The following MEGF10 variants were observed in gnomAD, a reference collection of about 807,000 sequenced individuals.
MEGF10 encodes the protein multiple EGF like domains 10, also known as multiple epidermal growth factor-like domains protein 10.
MEGF10 carries 86 observed loss-of-function variants against 147.5 expected under a neutral mutation model. That is an observed-to-expected ratio of 0.58 (90% CI 0.49 to 0.70). MEGF10 has a LOEUF of 0.70. Among genes scored for constraint, MEGF10 ranks in the 30% least tolerant of loss-of-function variants. The pLI is 0.00. For synonymous variants in MEGF10, 478 were observed against 525.5 expected (o/e 0.91, Z 1.24); for missense variants, 1,329 against 1,487.3 (o/e 0.89, Z 1.75).
the MEGF10 span, among the ~76,000 whole-genome samples, chr5:127,230,491 G>C: frequency 6.6e-6 from 1 of 152,126 alleles, no homozygotes; most frequent in Non-Finnish European, 1.5e-5. Context: ...TGCTCTGGGA[G>C]TCCCAGATCT....
intron 1 of MEGF10, among the ~76,000 whole-genome samples, chr5:127,319,883 G>A (rs894417620): frequency 5.3e-5 from 8 of 152,206 alleles, no homozygotes; most frequent in South Asian, 2.1e-4. Flanking sequence ...TATTGGGCAA[G>A]ACAGACTGAC....
chr5:127,341,573 A>G (rs1198846845), intron 4 of MEGF10, among the ~76,000 whole-genome samples: 1 of 152,170 alleles, frequency 6.6e-6, no homozygotes, highest in African/African-American at 2.4e-5. Context: ...GGCTTGGAAT[A>G]GTACATATCT....
chr5:127,246,830 C>A, the MEGF10 span, among the ~76,000 whole-genome samples: 2 of 4,680 alleles, frequency 4.3e-4, no homozygotes, highest in Non-Finnish European at 4.8e-4. Flanking sequence ...ATAATATATA[C>A]TATTACATAT....
chr5:127,419,280 A>T, intron 11 of MEGF10, 40 bp downstream of exon 11: 1 of 1,600,784 alleles, frequency 6.2e-7, no homozygotes, highest in Non-Finnish European at 8.5e-7. Context: ...GATCCTGGTC[A>T]CGTTATCTCC....
intron 1 of MEGF10, among the ~76,000 whole-genome samples, chr5:127,322,013 T>C (rs1157895928): frequency 2.0e-5 from 3 of 152,042 alleles, no homozygotes; most frequent in African/African-American, 4.8e-5. Flanking sequence ...TTTCCCCTGC[T>C]TGTATCATCA....
intron 8 of MEGF10, among the ~76,000 whole-genome samples, chr5:127,403,210 G>T (rs1264554935): frequency 6.6e-6 from 1 of 152,150 alleles, no homozygotes; most frequent in Admixed American, 6.5e-5. Flanking sequence ...TCTTACTGCC[G>T]CTGTTTATCA....
chr5:127,256,797 A>G, the MEGF10 span, among the ~76,000 whole-genome samples: 2 of 152,320 alleles, frequency 1.3e-5, no homozygotes. Flanking sequence ...GAAGAGGGAA[A>G]GCTTCCCCTT....
intron 1 of MEGF10, among the ~76,000 whole-genome samples, chr5:127,319,757 C>T (rs1760719455): frequency 6.6e-6 from 1 of 152,192 alleles, no homozygotes. Context: ...TACTGTTAAA[C>T]TTTTATAAGC....
intron 1 of MEGF10, among the ~76,000 whole-genome samples, chr5:127,322,199 A>G (rs1760814991): frequency 6.6e-6 from 1 of 151,782 alleles, no homozygotes. Flanking sequence ...TCACTGTTGA[A>G]CTGCCTGAAG....
At chr5:127,292,270 G>C (rs62373865) in intron 1 of MEGF10, among the ~76,000 whole-genome samples, 1,870 of 151,960 alleles carry the variant, frequency 0.012, 20 homozygotes, top group South Asian at 0.036. Flanking sequence ...GTGATTTTGG[G>C]GTAAGTTACT....
chr5:127,455,689 C>A, intron 24 of MEGF10, 82 bp downstream of exon 24: 1 of 1,059,724 alleles, frequency 9.4e-7, no homozygotes, highest in Non-Finnish European at 1.4e-6. Flanking sequence ...ATAATAGTTG[C>A]AGGTCATAGA....
chr5:127,304,922 A>G (rs980186152), intron 1 of MEGF10, among the ~76,000 whole-genome samples: 3 of 152,196 alleles, frequency 2.0e-5, no homozygotes, highest in African/African-American at 7.2e-5. Context: ...TGCCTCCAGA[A>G]CCATAAGAAA....
At chr5:127,238,842 AG>A in the MEGF10 span, among the ~76,000 whole-genome samples, 1,384 of 152,316 alleles carry the variant, frequency 9.1e-3, 30 homozygotes, top group African/African-American at 0.032. Context: ...ATGAGGAAAT[AG>A]AAATTATATT....
chr5:127,391,087 T>TGCGC lies in MEGF10; in HGVS notation c.413-5432_413-5429dup, dbSNP rs139002719. Among the ~76,000 whole-genome samples, 315 of 131,940 alleles carry TGCGC rather than the reference T, an allele frequency of 2.4e-3. 1 individual carries two copies. The highest frequency in any genetic ancestry group is 4.0e-3 in the Non-Finnish European group (255 of 63,214). 86.6% of individuals were successfully genotyped at this position (131,940 alleles called of 152,430 possible). A position where few individuals can be genotyped will look rare whatever the true frequency, so the allele number is the denominator to read the frequency against. On this transcript the variant is annotated intron_variant, in intron 5 of 24. Transcript: ENST00000503335. Reference sequence around the variant, plus strand: ...GTGTATATATACATACATACACACATGCGCGCGCGCGCGCGCACACACACA... The same window carrying TGCGC: ...GTGTATATATACATACATACACACATGCGCGCGCGCGCGCGCGCGCACACACACA...
rs1766461222 is a variant in MEGF10, at chr5:127,458,816, T to C, written c.*1498T>C. 6.6e-6 allele frequency: 1 copy of C among 152,142 alleles called. No homozygotes were observed. Among genetic ancestry groups the C allele is most frequent in the South Asian group, 2.1e-4 (1 of 4,828 alleles). The allele number at this position is 152,142 out of a possible 1,614,324, so 9.4% of individuals were successfully genotyped here. ...CACAGACTCATCTTAAAAAAAACTC[T>C]CATTATGGTGATCATAGAATTGACC... On this transcript the variant is annotated 3_prime_UTR_variant, in exon 25 of 25. Transcript: ENST00000503335.
intron 5 of MEGF10, among the ~76,000 whole-genome samples, chr5:127,381,994 C>T (rs1033817319): frequency 2.6e-5 from 4 of 152,140 alleles, no homozygotes; most frequent in Non-Finnish European, 4.4e-5. Context: ...TTTTATAATT[C>T]GGCGTCTGTC....
At chr5:127,229,376 G>A in the MEGF10 span, 1 of 152,288 alleles carries the variant, frequency 6.6e-6, no homozygotes, top group Admixed American at 6.5e-5. Context: ...AGCCGGCTCT[G>A]AGGAAGCGGC....
At chr5:127,451,904 T>C (rs1342098021) in intron 22 of MEGF10, among the ~76,000 whole-genome samples, 1 of 152,216 alleles carries the variant, frequency 6.6e-6, no homozygotes, top group East Asian at 1.9e-4. Flanking sequence ...GGAATAGTTG[T>C]CGTCATGGTA....
At chr5:127,406,391 A>C (rs896441589) in intron 8 of MEGF10, among the ~76,000 whole-genome samples, 1 of 152,198 alleles carries the variant, frequency 6.6e-6, no homozygotes, top group African/African-American at 2.4e-5. Context: ...TCCTGTTTTC[A>C]GCTGTTATCC....
Sources: allele counts gnomAD v4.1 joint callset (sites outside exome capture counted in the v4.1 genomes callset), GRCh38; gene constraint gnomAD v4.1.1; transcripts MANE v1.5; gene names NCBI Gene and HGNC (gene_info 2026-07-23, HGNC 2026-07-21).